Variants in CPEB2 observed in about 807,000 individuals in gnomAD.
CPEB2 encodes the protein cytoplasmic polyadenylation element-binding protein 2.
A neutral mutation model predicts 93.6 loss-of-function variants in CPEB2; 56 were observed. The ratio of observed to expected loss-of-function variants is 0.60; its 90% CI spans 0.48 to 0.75. CPEB2 has a LOEUF of 0.75. CPEB2 is among the 30% of genes least tolerant of loss of function. The probability of loss-of-function intolerance (pLI) is 0.00; values close to 1 mark genes in which losing one functional copy is unlikely to be tolerated. For synonymous variants in CPEB2, 764 were observed against 586.3 expected (o/e 1.30, Z -4.38); for missense variants, 1,579 against 1,395.1 (o/e 1.13, Z -2.10).
At chr4:15,042,793 T>A (rs1003500442) in intron 6 of CPEB2, among the ~76,000 whole-genome samples, 1 of 152,180 alleles carries the variant, frequency 6.6e-6, no homozygotes, top group Non-Finnish European at 1.5e-5. Flanking sequence ...TTTCTTCCTA[T>A]TTTTTACTGT....
intron 6 of CPEB2, among the ~76,000 whole-genome samples, chr4:15,045,160 T>A (rs1409806947): frequency 6.6e-6 from 1 of 152,154 alleles, no homozygotes; most frequent in Admixed American, 6.6e-5. Context: ...CTCTATCCTT[T>A]TCTGTCTATA....
At chr4:15,053,912 A>G (rs1728484132) in intron 7 of CPEB2, among the ~76,000 whole-genome samples, 1 of 152,174 alleles carries the variant, frequency 6.6e-6, no homozygotes, top group South Asian at 2.1e-4. Flanking sequence ...ATTCTAACCA[A>G]TGCATTGCTT....
chr4:15,021,818 A>C (rs1290935431), intron 4 of CPEB2, among the ~76,000 whole-genome samples: 1 of 152,068 alleles, frequency 6.6e-6, no homozygotes, highest in Non-Finnish European at 1.5e-5. Flanking sequence ...CATTTTTATT[A>C]CCTGATTGCT....
chr4:15,040,304 T>G (rs917456294), intron 5 of CPEB2, among the ~76,000 whole-genome samples, 160 bp from the exon 6 acceptor site: 22 of 152,174 alleles, frequency 1.4e-4, no homozygotes, highest in African/African-American at 5.1e-4. Context: ...TGTAGAATGG[T>G]AAAACATTTA....
At chr4:15,020,171 A>G (rs946926381) in intron 4 of CPEB2, among the ~76,000 whole-genome samples, 3 of 152,084 alleles carry the variant, frequency 2.0e-5, no homozygotes, top group African/African-American at 4.8e-5. Flanking sequence ...AAATGCCCCA[A>G]TGTCTTCTAT....
In CPEB2 at chr4:15,023,333, T is replaced by C. The variant is rs143232790; in HGVS notation, c.2125+6055T>C. Among the ~76,000 whole-genome samples, 648 of 152,112 alleles carry C rather than the reference T, an allele frequency of 4.3e-3. 6 individuals carry two copies. The highest frequency in any genetic ancestry group is 0.015 in the African/African-American group (612 of 41,556). ...ATTTGAAGATATATCAAAGAATTTC[T>C]TTTGAAGGTTTTTTCTCCAAAATGA... is the stretch of plus-strand genomic sequence containing the variant. On this transcript the variant is annotated intron_variant, in intron 4 of 11. Coordinates refer to ENST00000538197, the MANE Select transcript of CPEB2 (RefSeq NM_001177382.2).
Position 15,069,421 on chromosome 4 carries a change from C to CATT in CPEB2, c.*3042_*3044dup, listed in dbSNP as rs1190048448. On this transcript the variant is annotated 3_prime_UTR_variant, in exon 12 of 12. Coordinates refer to ENST00000538197, the MANE Select transcript of CPEB2 (RefSeq NM_001177382.2). ...ATTTTGCAGATTTTATCCACAGTGT[C>CATT]ATTTTTTACTGTCAGAAAAGATACC... 6.6e-6 allele frequency: 1 copy of CATT among 152,062 alleles called. No homozygotes were observed. The highest frequency in any genetic ancestry group is 1.9e-4 in the East Asian group (1 of 5,172). 9.4% of individuals were successfully genotyped at this position (152,062 alleles called of 1,614,324 possible).
At chr4:15,036,787 T>C (rs2604573) in intron 5 of CPEB2, among the ~76,000 whole-genome samples, 24,403 of 152,082 alleles carry the variant, frequency 0.16, 2,573 homozygotes, top group African/African-American at 0.29. Context: ...TACAGCTATG[T>C]ATGTCATAAA....
chr4:15,043,430 G>T (rs1727372925), intron 6 of CPEB2, among the ~76,000 whole-genome samples: 1 of 152,130 alleles, frequency 6.6e-6, no homozygotes, highest in Non-Finnish European at 1.5e-5. Flanking sequence ...CTAGGGGGCA[G>T]CATTAGGAAG....
At chr4:15,004,421 C>T (rs1406385773) in intron 1 of CPEB2, 86 bp downstream of exon 1, 3 of 1,027,918 alleles carry the variant, frequency 2.9e-6, no homozygotes, top group African/African-American at 3.4e-5. Flanking sequence ...GCCGGGGACC[C>T]GACCTTAGCC....
chr4:15,063,964 A>G (rs1033952754), intron 11 of CPEB2: 5 of 152,158 alleles, frequency 3.3e-5, no homozygotes, highest in Non-Finnish European at 7.4e-5. Context: ...AAGAAATATT[A>G]AACCATTAAC....
chr4:15,050,890 T>G (rs1204045738), intron 6 of CPEB2, among the ~76,000 whole-genome samples: 1 of 152,220 alleles, frequency 6.6e-6, no homozygotes, highest in East Asian at 1.9e-4. Flanking sequence ...TCCAAATTAT[T>G]TTCTCAGAAA....
Position 15,055,278 on chromosome 4 carries a change from C to T in CPEB2, c.2461+1061C>T, listed in dbSNP as rs1367635637. 2.0e-5 allele frequency among the ~76,000 whole-genome samples: 3 copies of T among 152,024 alleles called. No homozygotes were observed. In the East Asian group the frequency reaches 5.8e-4, roughly 29 times the overall value. The stretch of plus-strand genomic sequence containing the variant: ...ATCTTTTGAGTAGGGATTCTGGATC[C>T]CAGGCCTCTATGAGAATCTGATTAA... On this transcript the variant is annotated intron_variant, in intron 8 of 11. Coordinates refer to ENST00000538197, the MANE Select transcript of CPEB2 (RefSeq NM_001177382.2).
chr4:15,007,290 C>G lies in CPEB2; in HGVS notation c.1663-15C>G, dbSNP rs1481486969. 2 of 1,421,692 alleles carry G rather than the reference C, an allele frequency of 1.4e-6. No individual in the cohort carries two copies. Among genetic ancestry groups the G allele is most frequent in the Non-Finnish European group, 9.3e-7 (1 of 1,079,556 alleles). The allele number at this position is 1,421,692 out of a possible 1,614,324, so 88.1% of individuals were successfully genotyped here. A position where few individuals can be genotyped will look rare whatever the true frequency, so the allele number is the denominator to read the frequency against. On this transcript the variant is annotated splice_polypyrimidine_tract_variant and intron_variant, in intron 1 of 11. Coordinates refer to ENST00000538197, the MANE Select transcript of CPEB2 (RefSeq NM_001177382.2). ...TCTTTAAATGCCGCAATTTAAATAGCTATGTTTTCCCTAGCCTCTTCTGAA... is the reference window on the plus strand; with the variant it reads ...TCTTTAAATGCCGCAATTTAAATAGGTATGTTTTCCCTAGCCTCTTCTGAA...
intron 6 of CPEB2, among the ~76,000 whole-genome samples, chr4:15,045,190 A>G (rs1234660229): frequency 1.3e-5 from 2 of 152,088 alleles, no homozygotes; most frequent in Non-Finnish European, 1.5e-5. Context: ...TTCTTTGTAA[A>G]TCATTCTCTT....
At chr4:15,052,935 A>G (rs543268743) in intron 7 of CPEB2, among the ~76,000 whole-genome samples, 1 of 152,130 alleles carries the variant, frequency 6.6e-6, no homozygotes, top group East Asian at 1.9e-4. Flanking sequence ...GCATGCACAC[A>G]TACACTGAAA....
chr4:15,043,927 A>G (rs1035630426), intron 6 of CPEB2, among the ~76,000 whole-genome samples: 1 of 152,122 alleles, frequency 6.6e-6, no homozygotes, highest in Non-Finnish European at 1.5e-5. Context: ...GTGCTATAAT[A>G]AATAAGGAAT....
chr4:15,028,057 A>T (rs1725669752), intron 4 of CPEB2, among the ~76,000 whole-genome samples: 1 of 152,136 alleles, frequency 6.6e-6, no homozygotes, highest in Admixed American at 6.6e-5. Context: ...TGTGATTTAA[A>T]TGTTTATTTT....
At chr4:15,024,301 A>G (rs1164839178) in intron 4 of CPEB2, among the ~76,000 whole-genome samples, 1 of 151,940 alleles carries the variant, frequency 6.6e-6, no homozygotes, top group East Asian at 1.9e-4. Flanking sequence ...GATTTGTTGG[A>G]CCTGTATTAC....
Sources: allele counts gnomAD v4.1 joint callset (sites outside exome capture counted in the v4.1 genomes callset), GRCh38; gene constraint gnomAD v4.1.1; transcripts MANE v1.5; gene names NCBI Gene and HGNC (gene_info 2026-07-23, HGNC 2026-07-21).